Variants in AHCYL1 observed in about 807,000 individuals in gnomAD.
AHCYL1 encodes the protein S-adenosylhomocysteine hydrolase-like protein 1.
In AHCYL1, 20 loss-of-function variants were observed where a neutral mutation model predicts 79.3. That is an observed-to-expected ratio of 0.25 (90% CI 0.18 to 0.37). The LOEUF is 0.37. AHCYL1 is among the 10% of genes least tolerant of loss of function. AHCYL1 has a pLI of 1.00. For missense variants in AHCYL1, 330 were observed against 673.6 expected (o/e 0.49, Z 5.65); for synonymous variants, 223 against 242.2 (o/e 0.92, Z 0.74).
chr1:110,018,937 TC>T (rs1651610373), intron 13 of AHCYL1, 113 bp from the exon 14 acceptor site: 1 of 985,886 alleles, frequency 1.0e-6, no homozygotes, highest in South Asian at 1.3e-5. Context: ...CTGTAATTCT[TC>T]CTCTTCCAAC....
At chr1:109,985,784 C>G (rs1190367547) in intron 1 of AHCYL1, among the ~76,000 whole-genome samples, 1 of 152,270 alleles carries the variant, frequency 6.6e-6, no homozygotes, top group East Asian at 1.9e-4. Context: ...ACAGCAGACA[C>G]TGTCATGGAT....
At chr1:110,013,871 G>A (rs1387542730) in intron 5 of AHCYL1, among the ~76,000 whole-genome samples, 1 of 149,510 alleles carries the variant, frequency 6.7e-6, no homozygotes, top group East Asian at 2.0e-4. Context: ...CGCAGTCTCG[G>A]CTCACTGCAA....
intron 1 of AHCYL1, among the ~76,000 whole-genome samples, chr1:110,005,678 C>T (rs951703477): frequency 9.9e-5 from 15 of 151,888 alleles, no homozygotes; most frequent in Non-Finnish European, 2.2e-4. Flanking sequence ...TGGGTGGGCC[C>T]TGGGAAGGAG....
intron 3 of AHCYL1, among the ~76,000 whole-genome samples, chr1:110,011,749 G>A (rs1651049720): frequency 2.0e-5 from 3 of 152,232 alleles, no homozygotes; most frequent in Non-Finnish European, 1.5e-5. Context: ...GGGTTTTAAG[G>A]TAAGGATGTG....
chr1:110,017,806 A>G, intron 10 of AHCYL1, 140 bp from the exon 11 acceptor site: 1 of 938,908 alleles, frequency 1.1e-6, no homozygotes. Context: ...CAGTGTATAT[A>G]GTTTAGCAGA....
intron 1 of AHCYL1, among the ~76,000 whole-genome samples, chr1:109,990,363 A>G (rs918703982): frequency 1.1e-4 from 16 of 152,178 alleles, no homozygotes; most frequent in Admixed American, 7.2e-4. Context: ...GAGTGACCAT[A>G]TATCCTGGTT....
chr1:110,008,127 A>G (rs1028135500), intron 1 of AHCYL1, among the ~76,000 whole-genome samples: 12 of 149,584 alleles, frequency 8.0e-5, no homozygotes, highest in East Asian at 2.0e-4. Flanking sequence ...GGTTCAAGCA[A>G]TTCCCTGCCT....
chr1:110,017,378 C>CT (rs775306764), intron 9 of AHCYL1, 117 bp from the exon 10 acceptor site: 9 of 877,386 alleles, frequency 1.0e-5, no homozygotes, highest in African/African-American at 1.7e-5. Flanking sequence ...TGTGCAGCTG[C>CT]TCACCAGATG....
chr1:110,020,906 G>C (rs1194102057), intron 16 of AHCYL1, 55 bp downstream of exon 16: 3 of 1,565,742 alleles, frequency 1.9e-6, no homozygotes, highest in Non-Finnish European at 2.6e-6. Flanking sequence ...AAACCAAGCA[G>C]GCTAGCCTGC....
At chr1:110,003,742 T>G (rs1171247033) in intron 1 of AHCYL1, among the ~76,000 whole-genome samples, 1 of 152,200 alleles carries the variant, frequency 6.6e-6, no homozygotes, top group Non-Finnish European at 1.5e-5. Flanking sequence ...AGTAGATAGC[T>G]AAATAGGCAT....
intron 1 of AHCYL1, among the ~76,000 whole-genome samples, chr1:109,995,424 T>C (rs753693174): frequency 4.6e-5 from 7 of 152,222 alleles, no homozygotes; most frequent in Non-Finnish European, 1.0e-4. Flanking sequence ...AATCTCGGTC[T>C]TCCTCAGACA....
At chr1:110,002,825 T>G (rs1241079455) in intron 1 of AHCYL1, among the ~76,000 whole-genome samples, 1 of 152,232 alleles carries the variant, frequency 6.6e-6, no homozygotes, top group Non-Finnish European at 1.5e-5. Flanking sequence ...TGAAATATAC[T>G]ACATAATGCA....
rs770899520 is a variant in AHCYL1 at position 110,014,906 on chromosome 1, T to A, written c.675+49T>A. 1.7e-5 allele frequency: 26 copies of A among 1,541,118 alleles called. 1 individual carries two copies. In the South Asian group the frequency reaches 2.9e-4, roughly 17 times the overall value. On this transcript the variant is annotated intron_variant, in intron 6 of 16. Transcript: ENST00000369799. ...ACTTTGACAATAGATTTATTTCCTT[T>A]TTTTCCCTCAAAGCATGGTTCCCTA...
At chr1:110,015,648 G>A in intron 7 of AHCYL1, 117 bp downstream of exon 7, 3 of 655,846 alleles carry the variant, frequency 4.6e-6, no homozygotes, top group Non-Finnish European at 6.9e-6. Context: ...ATCTTCATTA[G>A]ATAAAATTTT....
Position 109,985,171 on chromosome 1 carries a change from A to G in AHCYL1, c.119A>G (p.Lys40Arg). ...FMATVTKAPKKQIQFADDMQE... is the reference protein window; with the variant it reads ...FMATVTKAPKRQIQFADDMQE... Reference sequence around the variant, plus strand: ...GCCACCGTCACCAAGGCGCCCAAGAAGGTGCGGGGGCTCTGGGTGGCGGCG... The same window carrying G: ...GCCACCGTCACCAAGGCGCCCAAGAGGGTGCGGGGGCTCTGGGTGGCGGCG... The change falls in exon 1 of 17, where the codon AAG (lysine) becomes AGG (arginine). Residue 40 changes from lysine (K) to arginine (R), a missense_variant and splice_region_variant. Lys to Arg is a conservative substitution (Grantham distance 26). Transcript: ENST00000369799. The G allele has an allele frequency of 6.2e-7, 1 of 1,607,102 alleles. No homozygotes were observed. The highest frequency in any genetic ancestry group is 8.5e-7 in the Non-Finnish European group (1 of 1,177,216).
At chr1:109,985,298 G>A in intron 1 of AHCYL1, 126 bp downstream of exon 1, 1 of 1,411,228 alleles carries the variant, frequency 7.1e-7, no homozygotes, top group Non-Finnish European at 9.3e-7. Flanking sequence ...GTGATGTAGG[G>A]GGTGGCGGCT....
rs965108056 is a variant in AHCYL1 at position 110,014,956 on chromosome 1, A to G, written c.675+99A>G. 5 of 1,119,580 alleles carry G rather than the reference A, an allele frequency of 4.5e-6. No homozygotes were observed. The East Asian group carries it at 1.2e-4, about 27-fold the overall frequency. The allele number at this position is 1,119,580 out of a possible 1,614,324, so 69.4% of individuals were successfully genotyped here. A position where few individuals can be genotyped will look rare whatever the true frequency, so the allele number is the denominator to read the frequency against. ...AAATATGTTTTGGATGTTTGGTCTT[A>G]TGCACTGACTTTGTTGCTAAAGTGT... is the stretch of plus-strand genomic sequence containing the variant. On this transcript the variant is annotated intron_variant, in intron 6 of 16. Transcript: ENST00000369799.
intron 6 of AHCYL1, 33 bp downstream of exon 6, chr1:110,014,890 A>G: frequency 1.9e-6 from 3 of 1,579,460 alleles, no homozygotes; most frequent in South Asian, 2.2e-5. Flanking sequence ...CACTTTGACA[A>G]TAGATTTATT....
chr1:110,007,423 T>C (rs1430763344), intron 1 of AHCYL1, among the ~76,000 whole-genome samples: 2 of 152,222 alleles, frequency 1.3e-5, no homozygotes, highest in Admixed American at 1.3e-4. Context: ...TGGTCCTGGA[T>C]TAATTTCTTC....
Sources: allele counts gnomAD v4.1 joint callset (sites outside exome capture counted in the v4.1 genomes callset), GRCh38; gene constraint gnomAD v4.1.1; transcripts MANE v1.5; gene names NCBI Gene and HGNC (gene_info 2026-07-23, HGNC 2026-07-21).